The following THSD7B variants were observed in gnomAD, a reference collection of about 807,000 sequenced individuals.
THSD7B encodes thrombospondin type 1 domain containing 7B.
A neutral mutation model predicts 213.6 loss-of-function variants in THSD7B; 138 were observed. The ratio of observed to expected loss-of-function variants is 0.65; its 90% CI spans 0.56 to 0.74. The LOEUF (loss-of-function observed/expected upper bound fraction) is 0.74. Among genes scored for constraint, THSD7B ranks in the 30% least tolerant of loss-of-function variants. THSD7B has a pLI of 0.00. For synonymous variants in THSD7B, 742 were observed against 687.0 expected (o/e 1.08, Z -1.25); for missense variants, 1,931 against 1,991.5 (o/e 0.97, Z 0.58).
At chr2:137,527,205 A>G (rs1680296408) in intron 15 of THSD7B, among the ~76,000 whole-genome samples, 1 of 152,166 alleles carries the variant, frequency 6.6e-6, no homozygotes, top group Non-Finnish European at 1.5e-5. Context: ...AAATAAAAGA[A>G]TTCAGTCAGT....
At chr2:137,477,665 T>G (rs1348575574) in intron 15 of THSD7B, among the ~76,000 whole-genome samples, 1 of 152,104 alleles carries the variant, frequency 6.6e-6, no homozygotes, top group Non-Finnish European at 1.5e-5. Flanking sequence ...ATTTGAGTTC[T>G]TTATCTTTCT....
chr2:137,425,462 C>G (rs564355281), intron 14 of THSD7B, among the ~76,000 whole-genome samples: 1 of 152,250 alleles, frequency 6.6e-6, no homozygotes, highest in South Asian at 2.1e-4. Context: ...GGTGATCCGC[C>G]CACCTCAGCC....
At chr2:136,994,456 A>G (rs1247047151) in intron 2 of THSD7B, among the ~76,000 whole-genome samples, 4 of 152,138 alleles carry the variant, frequency 2.6e-5, no homozygotes, top group Admixed American at 2.0e-4. Context: ...AGTCCCAGCT[A>G]CTTGGGAGGC....
rs548239950 is a variant in THSD7B, at chr2:137,280,825, GAGAA to G, written c.2500+4805_2500+4808del. ...CTAAAACGTTAGTACTAAAAAAAGA[GAGAA>G]AGAAAAGCCGAGATGCTGTCGTTTC... On this transcript the variant is annotated intron_variant, in intron 12 of 27. Transcript: ENST00000409968. Among the ~76,000 whole-genome samples the G allele has an allele frequency of 2.4e-4, 37 of 152,238 alleles. 1 individual carries two copies. The South Asian group carries it at 7.2e-3, about 30-fold the overall frequency.
At chr2:137,261,853 C>A (rs1258534044) in intron 10 of THSD7B, among the ~76,000 whole-genome samples, 1 of 145,190 alleles carries the variant, frequency 6.9e-6, no homozygotes, top group East Asian at 2.1e-4. Flanking sequence ...CCTCACCTTA[C>A]ATTTGGAAAA....
chr2:137,207,613 A>G (rs1681013397), intron 7 of THSD7B, among the ~76,000 whole-genome samples: 1 of 152,116 alleles, frequency 6.6e-6, no homozygotes, highest in South Asian at 2.1e-4. Flanking sequence ...ATAGGCAGCC[A>G]GCATGGCTTT....
intron 1 of THSD7B, among the ~76,000 whole-genome samples, chr2:136,769,646 C>T (rs982319863): frequency 2.6e-5 from 4 of 151,388 alleles, no homozygotes; most frequent in Non-Finnish European, 5.9e-5. Flanking sequence ...ATAAAAGCAT[C>T]GCTAAATTCA....
chr2:137,618,559 TTG>T, intron 19 of THSD7B, 52 bp downstream of exon 19: 1 of 1,524,902 alleles, frequency 6.6e-7, no homozygotes, highest in Non-Finnish European at 9.0e-7. Flanking sequence ...TTTCTTAATA[TTG>T]GTCTGCAGTT....
chr2:136,995,653 AAAG>A (rs979982757), intron 2 of THSD7B, among the ~76,000 whole-genome samples: 2 of 152,160 alleles, frequency 1.3e-5, no homozygotes, highest in African/African-American at 4.8e-5. Flanking sequence ...TTATTTGGAC[AAAG>A]AAGAATAAGA....
chr2:137,512,196 G>T (rs1018790692), intron 15 of THSD7B: 1 of 151,850 alleles, frequency 6.6e-6, no homozygotes, highest in Non-Finnish European at 1.5e-5. Context: ...GTGTATTCAG[G>T]GTGATATGGC....
intron 7 of THSD7B, among the ~76,000 whole-genome samples, chr2:137,185,674 G>T (rs1396733424): frequency 6.6e-6 from 1 of 152,094 alleles, no homozygotes; most frequent in Non-Finnish European, 1.5e-5. Context: ...CTATGTCTCT[G>T]CTATTGTGAC....
intron 5 of THSD7B, among the ~76,000 whole-genome samples, chr2:137,147,446 G>A (rs897808587): frequency 1.7e-4 from 25 of 150,784 alleles, no homozygotes; most frequent in Non-Finnish European, 5.9e-5. Context: ...GTTACAATGA[G>A]GCCTTCATTA....
intron 7 of THSD7B, among the ~76,000 whole-genome samples, chr2:137,173,519 G>T (rs1680304381): frequency 6.6e-6 from 1 of 152,098 alleles, no homozygotes; most frequent in African/African-American, 2.4e-5. Context: ...GCTTATTCCT[G>T]TGAAATGACT....
At chr2:136,777,085 A>G (rs1681623943) in intron 1 of THSD7B, among the ~76,000 whole-genome samples, 1 of 152,196 alleles carries the variant, frequency 6.6e-6, no homozygotes, top group Admixed American at 6.5e-5. Context: ...GGAAAGAAAT[A>G]TAGGGCTCCA....
At chr2:137,615,818 T>C (rs188619986) in intron 17 of THSD7B, among the ~76,000 whole-genome samples, 2,463 of 151,770 alleles carry the variant, frequency 0.016, 65 homozygotes, top group East Asian at 0.07. Context: ...TTCTTCCTTT[T>C]TTTAAAAAAA....
chr2:137,019,502 T>C (rs928801234), intron 2 of THSD7B, among the ~76,000 whole-genome samples: 4 of 152,196 alleles, frequency 2.6e-5, no homozygotes, highest in African/African-American at 9.6e-5. Flanking sequence ...CTGAACTATT[T>C]TGAACACTCT....
chr2:136,950,440 A>T (rs1489372240), intron 2 of THSD7B, among the ~76,000 whole-genome samples: 1 of 152,080 alleles, frequency 6.6e-6, no homozygotes, highest in Non-Finnish European at 1.5e-5. Context: ...AATAAAATTT[A>T]AAAAAAGATG....
intron 12 of THSD7B, among the ~76,000 whole-genome samples, chr2:137,289,858 G>T (rs891696013): frequency 1.3e-5 from 2 of 152,046 alleles, no homozygotes; most frequent in African/African-American, 4.8e-5. Flanking sequence ...AAATACTTGA[G>T]TAAGCATGAT....
chr2:137,644,090 G>T (rs775842752), intron 21 of THSD7B, among the ~76,000 whole-genome samples: 28 of 152,126 alleles, frequency 1.8e-4, no homozygotes, highest in Non-Finnish European at 2.8e-4. Context: ...TGGGTGGAGG[G>T]TTATGGCATC....
Sources: allele counts gnomAD v4.1 joint callset (sites outside exome capture counted in the v4.1 genomes callset), GRCh38; gene constraint gnomAD v4.1.1; transcripts MANE v1.5; gene names NCBI Gene and HGNC (gene_info 2026-07-23, HGNC 2026-07-21).